Variants in COG5 observed in about 807,000 individuals in gnomAD.
The protein encoded by COG5 is component of oligomeric golgi complex 5.
A neutral mutation model predicts 110.4 loss-of-function variants in COG5; 86 were observed. The observed-to-expected ratio is 0.78, with a 90% confidence interval of 0.65 to 0.93. The LOEUF is 0.93. COG5 is among the 40% of genes least tolerant of loss of function. COG5 has a pLI of 0.00. For missense variants in COG5, 1,077 were observed against 987.0 expected (o/e 1.09, Z -1.22); for synonymous variants, 360 against 334.6 (o/e 1.08, Z -0.83).
At chr7:107,371,378 C>T (rs1584741109) in intron 8 of COG5, among the ~76,000 whole-genome samples, 1 of 152,050 alleles carries the variant, frequency 6.6e-6, no homozygotes, top group African/African-American at 2.4e-5. Flanking sequence ...TTGCTTGAGG[C>T]CAGGAGTTCA....
intron 19 of COG5, among the ~76,000 whole-genome samples, chr7:107,229,847 T>G (rs916059856): frequency 2.7e-5 from 4 of 149,404 alleles, no homozygotes; most frequent in Admixed American, 2.0e-4. Context: ...TGGTTTTTGT[T>G]TTTTTTTTTT....
At chr7:107,323,007 A>G (rs73415465) in intron 11 of COG5, among the ~76,000 whole-genome samples, 9,909 of 152,246 alleles carry the variant, frequency 0.065, 1,041 homozygotes, top group African/African-American at 0.22. Context: ...TAGCAGATAA[A>G]CTGCAAAAGT....
chr7:107,450,988 C>G (rs746196971), intron 6 of COG5, among the ~76,000 whole-genome samples: 3 of 152,162 alleles, frequency 2.0e-5, no homozygotes, highest in Admixed American at 6.5e-5. Flanking sequence ...TGATAAGGAC[C>G]TTTAAGGCTC....
intron 7 of COG5, among the ~76,000 whole-genome samples, chr7:107,397,923 A>AG (rs1791132088): frequency 6.6e-6 from 1 of 152,158 alleles, no homozygotes; most frequent in Admixed American, 6.5e-5. Flanking sequence ...ATTAAATGAA[A>AG]GAAAAAAAAA....
intron 17 of COG5, among the ~76,000 whole-genome samples, chr7:107,239,324 G>A (rs1801440623): frequency 6.6e-6 from 1 of 152,124 alleles, no homozygotes; most frequent in Non-Finnish European, 1.5e-5. Flanking sequence ...ATTGGTCAAT[G>A]CCAGCGCACC....
chr7:107,515,614 T>C (rs1381823048), intron 6 of COG5, among the ~76,000 whole-genome samples: 5 of 152,146 alleles, frequency 3.3e-5, no homozygotes, highest in African/African-American at 9.7e-5. Flanking sequence ...AGAGTATCCA[T>C]CGATGGGAGG....
At chr7:107,237,039 CAT>C (rs1238640143) in intron 17 of COG5, among the ~76,000 whole-genome samples, 3 of 152,220 alleles carry the variant, frequency 2.0e-5, no homozygotes, top group Non-Finnish European at 4.4e-5. Flanking sequence ...CATCCACTCA[CAT>C]GTTTTGCCTG....
intron 8 of COG5, among the ~76,000 whole-genome samples, chr7:107,372,033 A>G (rs907616018): frequency 1.3e-5 from 2 of 152,192 alleles, no homozygotes; most frequent in Non-Finnish European, 2.9e-5. Flanking sequence ...ATGTCTTGGT[A>G]GGAAAAGGTT....
intron 21 of COG5, among the ~76,000 whole-genome samples, chr7:107,207,167 A>G (rs1398168537): frequency 6.6e-6 from 1 of 152,248 alleles, no homozygotes; most frequent in East Asian, 1.9e-4. Context: ...GATACACTAC[A>G]TGCCTCAATA....
At chr7:107,342,072 A>G (rs1197349574) in intron 10 of COG5, among the ~76,000 whole-genome samples, 1 of 152,156 alleles carries the variant, frequency 6.6e-6, no homozygotes, top group African/African-American at 2.4e-5. Flanking sequence ...GAAGCTATCA[A>G]AAGAGTAAAC....
At position 107,268,283 on chromosome 7, in the gene COG5, A is replaced by G. The variant is rs188357397; in HGVS notation, c.1576-9900T>C. The stretch of plus-strand genomic sequence containing the variant: ...GCACCTGGCCTAAGAAATTCTTTAT[A>G]TATAGTCCAACAATAATATTCAGTT... On this transcript the variant is annotated intron_variant, in intron 14 of 21. Transcript: ENST00000297135. 1.8e-3 allele frequency among the ~76,000 whole-genome samples: 269 copies of G among 152,324 alleles called. 1 individual carries two copies. The highest frequency in any genetic ancestry group is 2.4e-4 in the Non-Finnish European group (16 of 68,030).
chr7:107,278,682 G>A (rs945844971), intron 14 of COG5, among the ~76,000 whole-genome samples: 3 of 152,040 alleles, frequency 2.0e-5, no homozygotes, highest in Admixed American at 6.6e-5. Flanking sequence ...AACAAGCAAT[G>A]GGGAAAGGAT....
intron 17 of COG5, among the ~76,000 whole-genome samples, chr7:107,238,709 A>G (rs1399449025): frequency 2.6e-5 from 4 of 152,100 alleles, no homozygotes; most frequent in Non-Finnish European, 5.9e-5. Flanking sequence ...GTGAGGTGCA[A>G]TCTCATTGTG....
chr7:107,251,588 A>G (rs931601722), intron 16 of COG5, among the ~76,000 whole-genome samples: 4 of 152,202 alleles, frequency 2.6e-5, no homozygotes, highest in Non-Finnish European at 4.4e-5. Context: ...AAAAGTAATT[A>G]GAAATTTTAA....
At chr7:107,239,200 C>T (rs1801430775) in intron 17 of COG5, among the ~76,000 whole-genome samples, 2 of 152,134 alleles carry the variant, frequency 1.3e-5, no homozygotes, top group African/African-American at 4.8e-5. Context: ...TTTACTAATA[C>T]ATATTTATTA....
intron 19 of COG5, among the ~76,000 whole-genome samples, chr7:107,223,873 C>A (rs1316873551): frequency 6.6e-6 from 1 of 151,992 alleles, no homozygotes; most frequent in Non-Finnish European, 1.5e-5. Flanking sequence ...GCTGTGAGGG[C>A]TAAATGAGGA....
At chr7:107,435,824 T>C (rs1360614074) in intron 6 of COG5, among the ~76,000 whole-genome samples, 1 of 152,226 alleles carries the variant, frequency 6.6e-6, no homozygotes, top group Non-Finnish European at 1.5e-5. Context: ...AACAGGGATT[T>C]GAATAGGTAT....
At chr7:107,239,394 C>A (rs1445485243) in intron 17 of COG5, among the ~76,000 whole-genome samples, 1 of 152,076 alleles carries the variant, frequency 6.6e-6, no homozygotes, top group East Asian at 1.9e-4. Flanking sequence ...AGTGTGATAC[C>A]TCTAGCTTTA....
intron 6 of COG5, among the ~76,000 whole-genome samples, chr7:107,486,500 T>C (rs1584884789): frequency 6.6e-6 from 1 of 152,030 alleles, no homozygotes; most frequent in East Asian, 1.9e-4. Context: ...TACAAATTAC[T>C]CAAAGACACA....
Sources: allele counts gnomAD v4.1 joint callset (sites outside exome capture counted in the v4.1 genomes callset), GRCh38; gene constraint gnomAD v4.1.1; transcripts MANE v1.5; gene names NCBI Gene and HGNC (gene_info 2026-07-23, HGNC 2026-07-21).